IMMP2L: variants seen among roughly 807,000 people sequenced by gnomAD.
The protein encoded by IMMP2L is mitochondrial inner membrane protease subunit 2.
Under a neutral mutation model 19.3 loss-of-function variants are expected in IMMP2L, and 18 were observed. That is an observed-to-expected ratio of 0.93 (90% CI 0.64 to 1.38). IMMP2L has a LOEUF of 1.38. Ranked by LOEUF, IMMP2L falls within the 40% of genes most tolerant of loss-of-function variation. The pLI is 0.00. For synonymous variants in IMMP2L, 76 were observed against 73.0 expected (o/e 1.04, Z -0.21); for missense variants, 233 against 218.2 (o/e 1.07, Z -0.43).
chr7:111,367,387 GGTT>G (rs1829873372), intron 3 of IMMP2L, among the ~76,000 whole-genome samples: 1 of 151,482 alleles, frequency 6.6e-6, no homozygotes, highest in Non-Finnish European at 1.5e-5. Flanking sequence ...ATTCCTACTG[GGTT>G]AAAAGCATAA....
intron 3 of IMMP2L, among the ~76,000 whole-genome samples, chr7:111,296,793 T>C (rs970250425): frequency 3.3e-5 from 5 of 152,034 alleles, no homozygotes; most frequent in Non-Finnish European, 7.4e-5. Context: ...CAAATGTCTT[T>C]TACTGGCTGA....
At chr7:110,968,025 C>T (rs539739137) in intron 3 of IMMP2L, among the ~76,000 whole-genome samples, 1 of 152,114 alleles carries the variant, frequency 6.6e-6, no homozygotes, top group East Asian at 2.0e-4. Context: ...CCCAAATTTT[C>T]CACTTGGTGA....
intron 3 of IMMP2L, among the ~76,000 whole-genome samples, chr7:111,010,918 TAATGAGG>T (rs1824874578): frequency 6.7e-6 from 1 of 149,602 alleles, no homozygotes; most frequent in South Asian, 2.1e-4. Context: ...GTTTACTGCT[TAATGAGG>T]CCATCAGAGC....
At chr7:111,383,112 C>G (rs1831367491) in intron 3 of IMMP2L, among the ~76,000 whole-genome samples, 1 of 151,974 alleles carries the variant, frequency 6.6e-6, no homozygotes, top group African/African-American at 2.4e-5. Context: ...GGACAGGGAA[C>G]CCACATATCT....
At chr7:111,107,985 G>C (rs1798740529) in intron 3 of IMMP2L, among the ~76,000 whole-genome samples, 1 of 152,104 alleles carries the variant, frequency 6.6e-6, no homozygotes, top group Non-Finnish European at 1.5e-5. Context: ...ATATTGTCTT[G>C]ATTTGCATCA....
intron 3 of IMMP2L, among the ~76,000 whole-genome samples, chr7:111,178,478 C>T (rs540056091): frequency 6.6e-6 from 1 of 152,122 alleles, no homozygotes; most frequent in African/African-American, 2.4e-5. Flanking sequence ...TATTAATTAA[C>T]TCTTCCTTTC....
At chr7:111,237,703 T>G (rs1253005878) in intron 3 of IMMP2L, among the ~76,000 whole-genome samples, 1 of 151,790 alleles carries the variant, frequency 6.6e-6, no homozygotes, top group African/African-American at 2.4e-5. Flanking sequence ...AAAAAAAAAC[T>G]TTAGGACAAT....
intron 3 of IMMP2L, among the ~76,000 whole-genome samples, chr7:111,030,982 G>C (rs887085273): frequency 6.7e-6 from 1 of 148,876 alleles, no homozygotes; most frequent in African/African-American, 2.5e-5. Flanking sequence ...ATGGGAACCA[G>C]ATTTCTCACT....
intron 3 of IMMP2L, among the ~76,000 whole-genome samples, chr7:111,306,606 CTG>C (rs71147473): frequency 0.13 from 16,988 of 135,716 alleles, 1,083 homozygotes; most frequent in Non-Finnish European, 0.15. Flanking sequence ...TCACTGGACT[CTG>C]TGTGTGTGTG....
At chr7:111,541,952 T>C (rs1360628840) in intron 1 of IMMP2L, among the ~76,000 whole-genome samples, 1 of 152,082 alleles carries the variant, frequency 6.6e-6, no homozygotes, top group Non-Finnish European at 1.5e-5. Flanking sequence ...AAATCCCTGA[T>C]GAAAGGTGAG....
At chr7:111,258,897 ATAAT>A (rs1181178138) in intron 3 of IMMP2L, among the ~76,000 whole-genome samples, 1 of 152,118 alleles carries the variant, frequency 6.6e-6, no homozygotes, top group Non-Finnish European at 1.5e-5. Context: ...AGGAAATAAA[ATAAT>A]TAATTATAGC....
At position 111,353,019 on chromosome 7, in the gene IMMP2L, C is replaced by A. The variant is rs112522850; in HGVS notation, c.239+134219G>T. On this transcript the variant is annotated intron_variant, in intron 3 of 5. Coordinates refer to ENST00000405709, the MANE Select transcript of IMMP2L (RefSeq NM_032549.4). Reference sequence around the variant, plus strand: ...ATCTTCTACCTGCTTTATCTACAGACTTCTCTCATATAGTTAACCATCTCC... The same window carrying A: ...ATCTTCTACCTGCTTTATCTACAGAATTCTCTCATATAGTTAACCATCTCC... 1.7e-3 allele frequency among the ~76,000 whole-genome samples: 264 copies of A among 152,252 alleles called. 2 individuals carry two copies. The highest frequency in any genetic ancestry group is 3.4e-3 in the Middle Eastern group (1 of 294).
intron 3 of IMMP2L, among the ~76,000 whole-genome samples, chr7:111,448,786 G>C (rs1285040073): frequency 9.8e-6 from 1 of 102,542 alleles, no homozygotes; most frequent in Non-Finnish European, 2.0e-5. Context: ...TTTTTGAAAG[G>C]ATCAACAAAA....
intron 4 of IMMP2L, among the ~76,000 whole-genome samples, chr7:110,943,005 T>C (rs1816882563): frequency 6.6e-6 from 1 of 151,876 alleles, no homozygotes; most frequent in Non-Finnish European, 1.5e-5. Context: ...AAGACAACAA[T>C]TAAAGGACAG....
At chr7:111,061,491 G>C (rs532200656) in intron 3 of IMMP2L, among the ~76,000 whole-genome samples, 30 of 152,190 alleles carry the variant, frequency 2.0e-4, no homozygotes, top group African/African-American at 6.7e-4. Flanking sequence ...TGCTCAAAGT[G>C]GGGGACTTAA....
At chr7:111,085,500 G>A (rs1266948632) in intron 3 of IMMP2L, among the ~76,000 whole-genome samples, 1 of 152,054 alleles carries the variant, frequency 6.6e-6, no homozygotes, top group East Asian at 1.9e-4. Context: ...GGTGTTTTTT[G>A]ACTTTTTTAA....
At chr7:111,151,598 A>C (rs1442006552) in intron 3 of IMMP2L, among the ~76,000 whole-genome samples, 1 of 152,138 alleles carries the variant, frequency 6.6e-6, no homozygotes, top group Non-Finnish European at 1.5e-5. Context: ...CTTTTGAAAA[A>C]ACCAAATGTA....
At chr7:110,730,040 T>C (rs1796153327) in intron 5 of IMMP2L, among the ~76,000 whole-genome samples, 1 of 152,240 alleles carries the variant, frequency 6.6e-6, no homozygotes, top group South Asian at 2.1e-4. Flanking sequence ...TGGCTTTTAA[T>C]TTCAAAAAGA....
At chr7:111,156,351 T>C (rs1011952871) in intron 3 of IMMP2L, among the ~76,000 whole-genome samples, 3 of 152,148 alleles carry the variant, frequency 2.0e-5, no homozygotes, top group African/African-American at 7.2e-5. Flanking sequence ...ACATCTTCCC[T>C]TTCCAATACT....
Sources: allele counts gnomAD v4.1 joint callset (sites outside exome capture counted in the v4.1 genomes callset), GRCh38; gene constraint gnomAD v4.1.1; transcripts MANE v1.5; gene names NCBI Gene and HGNC (gene_info 2026-07-23, HGNC 2026-07-21).